Variants in APBB1IP observed in about 807,000 individuals in gnomAD.
The protein encoded by APBB1IP is amyloid beta precursor protein binding family B member 1 interacting protein.
Under a neutral mutation model 64.9 loss-of-function variants are expected in APBB1IP, and 27 were observed. The ratio of observed to expected loss-of-function variants is 0.42; its 90% CI spans 0.31 to 0.57. The LOEUF is 0.57. Ranked by LOEUF, APBB1IP falls within the 20% of genes least tolerant of loss-of-function variation. The pLI is 0.20. For synonymous variants in APBB1IP, 392 were observed against 331.0 expected (o/e 1.18, Z -2.00); for missense variants, 812 against 845.5 (o/e 0.96, Z 0.49).
At chr10:26,456,044 A>T (rs1169052034) in intron 2 of APBB1IP, among the ~76,000 whole-genome samples, 1 of 152,220 alleles carries the variant, frequency 6.6e-6, no homozygotes, top group Admixed American at 6.5e-5. Flanking sequence ...TGTCCAGAAT[A>T]GGCAGCTTTA....
intron 2 of APBB1IP, among the ~76,000 whole-genome samples, chr10:26,445,097 A>T (rs61306855): frequency 0.12 from 17,440 of 144,434 alleles, 1,205 homozygotes; most frequent in Middle Eastern, 0.16. Flanking sequence ...ATTCTGTCAA[A>T]AAAAAAAAAG....
chr10:26,451,746 C>T (rs1306743672), intron 2 of APBB1IP, among the ~76,000 whole-genome samples: 1 of 152,196 alleles, frequency 6.6e-6, no homozygotes, highest in Non-Finnish European at 1.5e-5. Context: ...TTAAGTTAAA[C>T]TGAGCTTACT....
intron 11 of APBB1IP, among the ~76,000 whole-genome samples, chr10:26,544,370 C>T (rs963855741): frequency 2.0e-5 from 3 of 152,222 alleles, no homozygotes; most frequent in Non-Finnish European, 4.4e-5. Flanking sequence ...TTTACAAATG[C>T]AGGTTCCCAG....
chr10:26,554,325 C>T (rs1836867866), intron 11 of APBB1IP, among the ~76,000 whole-genome samples: 1 of 152,152 alleles, frequency 6.6e-6, no homozygotes, highest in Admixed American at 6.5e-5. Flanking sequence ...AATCAGAAGT[C>T]CAAAATCAAA....
At chr10:26,448,758 A>T (rs1388605362) in intron 2 of APBB1IP, among the ~76,000 whole-genome samples, 1 of 152,036 alleles carries the variant, frequency 6.6e-6, no homozygotes, top group African/African-American at 2.4e-5. Context: ...TTTCTCCCCC[A>T]ACTCCCCACC....
intron 5 of APBB1IP, chr10:26,501,694 T>A (rs1015777360): frequency 2.6e-5 from 4 of 153,388 alleles, no homozygotes; most frequent in African/African-American, 9.6e-5. Flanking sequence ...TTATTTGGGA[T>A]GTTAACTCAT....
At chr10:26,520,077 C>T (rs1836384462) in intron 8 of APBB1IP, among the ~76,000 whole-genome samples, 1 of 152,190 alleles carries the variant, frequency 6.6e-6, no homozygotes. Flanking sequence ...TTTGAGAGGA[C>T]AAGGCAAGGG....
At chr10:26,459,078 A>C (rs1835560552) in intron 2 of APBB1IP, among the ~76,000 whole-genome samples, 1 of 132,160 alleles carries the variant, frequency 7.6e-6, no homozygotes, top group Admixed American at 7.4e-5. Flanking sequence ...TCCTAATGCT[A>C]TCCCTCCCCC....
intron 2 of APBB1IP, among the ~76,000 whole-genome samples, chr10:26,457,023 G>A (rs1835534324): frequency 6.6e-6 from 1 of 152,098 alleles, no homozygotes; most frequent in Non-Finnish European, 1.5e-5. Flanking sequence ...AAGGTTATTG[G>A]GCTATAGGTC....
At chr10:26,463,707 G>A (rs186317864) in intron 2 of APBB1IP, among the ~76,000 whole-genome samples, 3 of 152,246 alleles carry the variant, frequency 2.0e-5, no homozygotes. Flanking sequence ...TTGTTGACAG[G>A]GAAGTCAAAT....
intron 2 of APBB1IP, among the ~76,000 whole-genome samples, chr10:26,472,937 A>AAAAAAAAG (rs1256785369): frequency 6.6e-6 from 1 of 152,102 alleles, no homozygotes; most frequent in African/African-American, 2.4e-5. Context: ...ACTTCATCAA[A>AAAAAAAAG]AACAAAAAGA....
intron 2 of APBB1IP, among the ~76,000 whole-genome samples, chr10:26,473,868 G>C (rs1180823183): frequency 6.6e-6 from 1 of 151,946 alleles, no homozygotes; most frequent in African/African-American, 2.4e-5. Flanking sequence ...CAGGTTTGGG[G>C]GTGCATGCCT....
chr10:26,457,841 CCAAA>C (rs1835545552), intron 2 of APBB1IP, among the ~76,000 whole-genome samples: 1 of 152,130 alleles, frequency 6.6e-6, no homozygotes, highest in African/African-American at 2.4e-5. Context: ...AAGTATAATA[CCAAA>C]CAAAGATCAG....
At chr10:26,440,404 AAAT>A (rs1163465410) in intron 2 of APBB1IP, among the ~76,000 whole-genome samples, 16 of 152,342 alleles carry the variant, frequency 1.1e-4, no homozygotes, top group African/African-American at 3.8e-4. Flanking sequence ...AAAATGGAGA[AAAT>A]AATCATAACC....
chr10:26,471,298 T>G (rs1336577498), intron 2 of APBB1IP, among the ~76,000 whole-genome samples: 1 of 152,160 alleles, frequency 6.6e-6, no homozygotes, highest in African/African-American at 2.4e-5. Context: ...ACCCCCACAC[T>G]GCACACGGGG....
intron 9 of APBB1IP, among the ~76,000 whole-genome samples, chr10:26,535,036 A>T (rs1374694784): frequency 1.3e-5 from 2 of 152,192 alleles, no homozygotes; most frequent in Non-Finnish European, 2.9e-5. Context: ...GAACTAAATG[A>T]GAGGATGTTG....
chr10:26,549,500 T>A (rs1412574283), intron 11 of APBB1IP, among the ~76,000 whole-genome samples: 3 of 152,128 alleles, frequency 2.0e-5, no homozygotes, highest in Non-Finnish European at 4.4e-5. Flanking sequence ...TTACTCATTG[T>A]TGGTCTTTTT....
intron 2 of APBB1IP, among the ~76,000 whole-genome samples, chr10:26,457,577 C>T (rs952832322): frequency 6.6e-6 from 1 of 152,232 alleles, no homozygotes; most frequent in Non-Finnish European, 1.5e-5. Flanking sequence ...CCCAAGATAA[C>T]ATCTGGCTTA....
At chr10:26,457,809 A>G (rs1835544688) in intron 2 of APBB1IP, among the ~76,000 whole-genome samples, 1 of 152,228 alleles carries the variant, frequency 6.6e-6, no homozygotes, top group African/African-American at 2.4e-5. Flanking sequence ...AGCAATATCT[A>G]TAGAGATTAG....
Sources: gnomAD v4.1 joint callset for allele counts (sites outside exome capture counted in the v4.1 genomes callset) on GRCh38, gnomAD v4.1.1 for gene constraint, MANE v1.5 for transcripts, NCBI Gene and HGNC (gene_info 2026-07-23, HGNC 2026-07-21) for gene names.